NEDD1: variants seen among roughly 807,000 people sequenced by gnomAD.
NEDD1 encodes protein NEDD1.
In NEDD1, 33 loss-of-function variants were observed where a neutral mutation model predicts 74.0. That is an observed-to-expected ratio of 0.45 (90% CI 0.34 to 0.60). The LOEUF (loss-of-function observed/expected upper bound fraction) is 0.60, where lower values mean the gene tolerates loss of function less well. NEDD1 is among the 20% of genes least tolerant of loss of function. The pLI, the probability that NEDD1 is intolerant of heterozygous loss-of-function variation, is 0.01. For synonymous variants in NEDD1, 250 were observed against 264.4 expected (o/e 0.95, Z 0.53); for missense variants, 746 against 776.5 (o/e 0.96, Z 0.47).
At chr12:96,924,832 G>C (rs187837907) in intron 6 of NEDD1, 1 of 452,644 alleles carries the variant, frequency 2.2e-6, no homozygotes, top group African/African-American at 2.0e-5. Flanking sequence ...GCGTTGACTA[G>C]GCTCTCCAAT....
chr12:96,928,681 CTTTTTT>C (rs34575410), intron 6 of NEDD1, among the ~76,000 whole-genome samples: 1 of 87,644 alleles, frequency 1.1e-5, no homozygotes, highest in African/African-American at 4.8e-5. Flanking sequence ...TAGTGTGTTT[CTTTTTT>C]TTTTTTTTTT....
chr12:96,935,469 C>A (rs1565804168), intron 7 of NEDD1, among the ~76,000 whole-genome samples: 2 of 152,122 alleles, frequency 1.3e-5, no homozygotes, highest in African/African-American at 2.4e-5. Context: ...ATCTTTTCCA[C>A]AATATGATAA....
chr12:96,920,017 C>T lies in NEDD1; in HGVS notation c.381C>T (p.Tyr127=), dbSNP rs748197987. The T allele has an allele frequency of 1.7e-5, 28 of 1,604,958 alleles. No individual in the cohort carries two copies. The highest frequency in any genetic ancestry group is 3.3e-4 in the Middle Eastern group (2 of 6,046). ...AAGATCAAGTAACTTGTGTAACATACAATTGGAATGATTGCTACATTGCTT... is the reference window on the plus strand; with the variant it reads ...AAGATCAAGTAACTTGTGTAACATATAATTGGAATGATTGCTACATTGCTT... The part of the protein sequence containing the change: ...DHKDQVTCVT[Y]NWNDCYIASG... Residue 127 remains tyrosine, a synonymous_variant, in exon 6 of 16, where the codon TAC becomes TAT. Transcript: ENST00000266742.
intron 6 of NEDD1, among the ~76,000 whole-genome samples, chr12:96,930,630 C>G (rs1465171783): frequency 1.3e-5 from 2 of 152,134 alleles, no homozygotes; most frequent in Non-Finnish European, 2.9e-5. Context: ...ATTAGGTGTT[C>G]AGCTGTGGTT....
chr12:96,949,320 T>C (rs1014987811), intron 14 of NEDD1, among the ~76,000 whole-genome samples: 4 of 152,212 alleles, frequency 2.6e-5, no homozygotes, highest in Admixed American at 1.3e-4. Context: ...AGAGGAAATT[T>C]TTAAAAATAC....
In NEDD1 at chr12:96,936,567, T is replaced by A. The variant is rs532067109; in HGVS notation, c.720-44T>A. On this transcript the variant is annotated intron_variant, in intron 7 of 15. Coordinates refer to ENST00000266742, the MANE Select transcript of NEDD1 (RefSeq NM_152905.4). The stretch of plus-strand genomic sequence containing the variant: ...TTACTTATATAAGCTAATATACCTG[T>A]ACACACTAACATTTCTACACATACT... 4 of 1,368,138 alleles carry A rather than the reference T, an allele frequency of 2.9e-6. No homozygotes were observed. The East Asian group carries it at 9.2e-5, about 31-fold the overall frequency. The allele number at this position is 1,368,138 out of a possible 1,614,324, so 84.7% of individuals were successfully genotyped here.
chr12:96,952,433 G>A lies in NEDD1; in HGVS notation c.*380G>A, dbSNP rs1878794013. On this transcript the variant is annotated 3_prime_UTR_variant, in exon 16 of 16. Coordinates refer to ENST00000266742, the MANE Select transcript of NEDD1 (RefSeq NM_152905.4). ...ATTGCCTTTCAAATTTTTGGGGCTA[G>A]TTGAGATTTAAAGAGTTTGATATGC... 1 of 155,228 alleles carries A rather than the reference G, an allele frequency of 6.4e-6. No homozygotes were observed. The highest frequency in any genetic ancestry group is 2.4e-5 in the African/African-American group (1 of 41,466). The allele number at this position is 155,228 out of a possible 1,614,324, so 9.6% of individuals were successfully genotyped here.
At chr12:96,926,015 A>C (rs1875651016) in intron 6 of NEDD1, among the ~76,000 whole-genome samples, 1 of 152,010 alleles carries the variant, frequency 6.6e-6, no homozygotes, top group Admixed American at 6.6e-5. Context: ...AGTGAGAATA[A>C]TATACTTTCA....
chr12:96,909,021 A>C (rs188586091), intron 2 of NEDD1, among the ~76,000 whole-genome samples: 1 of 152,020 alleles, frequency 6.6e-6, no homozygotes, highest in South Asian at 2.1e-4. Context: ...TACTAAAAAT[A>C]CAAAATTAGC....
At chr12:96,936,836 T>G in intron 8 of NEDD1, 24 bp downstream of exon 8, 1 of 1,434,600 alleles carries the variant, frequency 7.0e-7, no homozygotes, top group Non-Finnish European at 9.8e-7. Context: ...TTTTCAGCAT[T>G]TTTTATTTTA....
At chr12:96,907,397 G>A in intron 1 of NEDD1, 97 bp downstream of exon 1, 2 of 483,810 alleles carry the variant, frequency 4.1e-6, no homozygotes, top group South Asian at 3.3e-5. Context: ...TCAGAGGGCG[G>A]GGCGGCGGTC....
rs1433602548 is a variant in NEDD1 at position 96,945,839 on chromosome 12, G to T, written c.1801G>T (p.Asp601Tyr). Residue 601 changes from aspartate (D) to tyrosine (Y), a missense_variant, in exon 14 of 16, where the codon GAT becomes TAT. By Grantham distance (160) the Asp-to-Tyr change is radical (BLOSUM62 -3). Transcript: ENST00000266742. ...FIQNMIQETL[D>Y]DFREACHRDI... is the part of the protein sequence containing the mutation. Reference sequence around the variant, plus strand: ...TCAGAACATGATACAGGAAACGTTGGATGACTTTAGGTAGTAATTGAGAAA... The same window carrying T: ...TCAGAACATGATACAGGAAACGTTGTATGACTTTAGGTAGTAATTGAGAAA... 6 of 1,608,366 alleles carry T rather than the reference G, an allele frequency of 3.7e-6. No homozygotes were observed. The highest frequency in any genetic ancestry group is 5.1e-6 in the Non-Finnish European group (6 of 1,175,272).
intron 6 of NEDD1, among the ~76,000 whole-genome samples, chr12:96,920,695 G>GT (rs1874982857): frequency 6.6e-6 from 1 of 152,104 alleles, no homozygotes; most frequent in African/African-American, 2.4e-5. Context: ...AATAAATTCA[G>GT]TTTTTCAAGG....
chr12:96,921,641 A>T (rs1875103952), intron 6 of NEDD1, among the ~76,000 whole-genome samples: 1 of 150,232 alleles, frequency 6.7e-6, no homozygotes, highest in Non-Finnish European at 1.5e-5. Context: ...TGTTAGGCAA[A>T]TATAAAGCTT....
At chr12:96,932,463 A>AAAAAAAAAAAAAAATAT in intron 6 of NEDD1, among the ~76,000 whole-genome samples, 1 of 9,444 alleles carries the variant, frequency 1.1e-4, no homozygotes, top group African/African-American at 3.4e-4. Context: ...AAAAAAAAAA[A>AAAAAAAAAAAAAAATAT]ATATATATAT....
At position 96,907,811 on chromosome 12, in the gene NEDD1, C is replaced by G; in HGVS notation, c.-54C>G. 6.8e-7 allele frequency: 1 copy of G among 1,470,012 alleles called. No homozygotes were observed. The highest frequency in any genetic ancestry group is 9.0e-7 in the Non-Finnish European group (1 of 1,110,418). 91.1% of individuals were successfully genotyped at this position (1,470,012 alleles called of 1,614,324 possible). A position where few individuals can be genotyped will look rare whatever the true frequency, so the allele number is the denominator to read the frequency against. ...TTTCGACGGGACCGTCTTTGAGGGA[C>G]TCATGTAAAGTCTCTCCCTTAATGC... On this transcript the variant is annotated 5_prime_UTR_variant, in exon 2 of 16. Transcript: ENST00000266742.
intron 4 of NEDD1, among the ~76,000 whole-genome samples, chr12:96,915,436 T>C (rs2136517843): frequency 6.6e-6 from 1 of 152,356 alleles, no homozygotes; most frequent in East Asian, 1.9e-4. Context: ...AGGATATTTC[T>C]GAGAAGCATG....
In NEDD1 at chr12:96,943,622, A is replaced by G. The variant is rs769879530; in HGVS notation, c.1357A>G (p.Ser453Gly). The change falls in exon 12 of 16, where the codon AGT becomes GGT. Residue 453 changes from serine to glycine, a missense_variant. By Grantham distance (56) the Ser-to-Gly change is moderately conservative. Coordinates refer to ENST00000266742, the MANE Select transcript of NEDD1 (RefSeq NM_152905.4). ...TCCAAGAAAAAATCCAGTAACTTCA[A>G]GTACTTCAGTATTGCATTCTAGTCC... ...FPPRKNPVTS[S>G]TSVLHSSPLN... 10 of 1,612,548 alleles carry G rather than the reference A, an allele frequency of 6.2e-6. No homozygotes were observed. The highest frequency in any genetic ancestry group is 8.5e-6 in the Non-Finnish European group (10 of 1,178,812).
Position 96,951,477 on chromosome 12 carries a change from T to A in NEDD1, c.1857T>A (p.Ile619=). ...RDIVNLQVEM[I]KQFHMQLNEM... ...TTGTGAATTTGCAAGTGGAGATGAT[T>A]AAACAGTTTCATATGCAACTGGTAT... The change falls in exon 15 of 16, where the codon ATT becomes ATA. Residue 619 remains isoleucine (I), a synonymous_variant. Coordinates refer to ENST00000266742, the MANE Select transcript of NEDD1 (RefSeq NM_152905.4). The A allele has an allele frequency of 6.4e-7, 1 of 1,565,434 alleles. No homozygotes were observed. Among genetic ancestry groups the A allele is most frequent in the Non-Finnish European group, 8.8e-7 (1 of 1,139,620 alleles).
Sources: gnomAD v4.1 joint callset for allele counts (sites outside exome capture counted in the v4.1 genomes callset) on GRCh38, gnomAD v4.1.1 for gene constraint, MANE v1.5 for transcripts, NCBI Gene and HGNC (gene_info 2026-07-23, HGNC 2026-07-21) for gene names.